The following MTHFD1 variants were observed in gnomAD, a reference collection of about 807,000 sequenced individuals.
MTHFD1 encodes the protein C-1-tetrahydrofolate synthase, cytoplasmic.
MTHFD1 carries 44 observed loss-of-function variants against 110.3 expected under a neutral mutation model. The ratio of observed to expected loss-of-function variants is 0.40; its 90% CI spans 0.31 to 0.51. The LOEUF (loss-of-function observed/expected upper bound fraction) is 0.51. Ranked by LOEUF, MTHFD1 falls within the 20% of genes least tolerant of loss-of-function variation. The pLI, the probability that MTHFD1 is intolerant of heterozygous loss-of-function variation, is 0.60. For missense variants in MTHFD1, 909 were observed against 1,173.1 expected (o/e 0.77, Z 3.29); for synonymous variants, 402 against 428.8 (o/e 0.94, Z 0.77).
At chr14:64,401,469 G>A (rs545526747) in intron 2 of MTHFD1, among the ~76,000 whole-genome samples, 21 of 152,276 alleles carry the variant, frequency 1.4e-4, no homozygotes, top group Middle Eastern at 6.8e-3. Context: ...TTGGGAGGCC[G>A]AGGTGGGCAG....
chr14:64,422,557 C>CTAA, intron 8 of MTHFD1, among the ~76,000 whole-genome samples: 1 of 152,024 alleles, frequency 6.6e-6, no homozygotes, highest in East Asian at 1.9e-4. Flanking sequence ...TGAGAAGGGC[C>CTAA]AGATCAATAG....
chr14:64,388,820 A>C (rs1291231306), intron 1 of MTHFD1: 7 of 453,932 alleles, frequency 1.5e-5, no homozygotes, highest in Non-Finnish European at 2.0e-5. Context: ...ATTCCCGTTA[A>C]TTTGGAGGTG....
chr14:64,450,714 G>GT (rs966630758), intron 24 of MTHFD1, among the ~76,000 whole-genome samples: 12 of 151,910 alleles, frequency 7.9e-5, no homozygotes, highest in African/African-American at 2.4e-4. Context: ...TTTTTGTTTT[G>GT]TTTTTTGTTT....
intron 22 of MTHFD1, chr14:64,445,177 C>T: frequency 3.9e-6 from 1 of 257,908 alleles, no homozygotes; most frequent in South Asian, 4.7e-5. Context: ...AAACCCTGTC[C>T]TAGACTAATA....
intron 12 of MTHFD1, among the ~76,000 whole-genome samples, chr14:64,429,536 C>T (rs2078143030): frequency 6.6e-6 from 1 of 152,034 alleles, no homozygotes; most frequent in Non-Finnish European, 1.5e-5. Flanking sequence ...ATCTGAAAGG[C>T]TCCAAAATTC....
intron 9 of MTHFD1, 116 bp downstream of exon 9, chr14:64,425,047 T>C: frequency 7.7e-7 from 1 of 1,299,172 alleles, no homozygotes; most frequent in Admixed American, 2.0e-5. Context: ...GTGAATTTAT[T>C]GAGAAAAAGG....
chr14:64,390,953 A>T (rs1455973139), intron 1 of MTHFD1, among the ~76,000 whole-genome samples: 1 of 151,866 alleles, frequency 6.6e-6, no homozygotes, highest in African/African-American at 2.4e-5. Context: ...CGGTCCTAGA[A>T]TTTCTTAAAA....
chr14:64,431,839 A>T lies in MTHFD1; in HGVS notation c.1472A>T (p.Asp491Val). 1 of 1,614,190 alleles carries T rather than the reference A, an allele frequency of 6.2e-7. No individual in the cohort carries two copies. Among genetic ancestry groups the T allele is most frequent in the Non-Finnish European group, 8.5e-7 (1 of 1,180,014 alleles). The change falls in exon 15 of 28, where the codon GAC becomes GTC. Residue 491 changes from aspartate to valine, a missense_variant. By Grantham distance (152) the Asp-to-Val change is radical. This residue lies in a region of MTHFD1 where 482 missense variants were observed against 646.0 expected (regional missense o/e 0.75). Coordinates refer to ENST00000652337, the MANE Select transcript of MTHFD1 (RefSeq NM_005956.4). The stretch of plus-strand genomic sequence containing the variant: ...GTAAATGGAGTGAGAAGGTTCTCTG[A>T]CATCCAAATCCGAAGGTTAAAGGTA... ...PSVNGVRRFS[D>V]IQIRRLKRLG...
At chr14:64,395,252 T>C (rs575577461) in intron 1 of MTHFD1, among the ~76,000 whole-genome samples, 140 of 152,400 alleles carry the variant, frequency 9.2e-4, no homozygotes, top group Middle Eastern at 6.8e-3. Context: ...TCAACACATT[T>C]ATTACTTTAC....
intron 24 of MTHFD1, among the ~76,000 whole-genome samples, chr14:64,450,879 T>G (rs2078360133): frequency 6.6e-6 from 1 of 151,980 alleles, no homozygotes. Flanking sequence ...GGCTAATTTG[T>G]TTTATTGGCC....
At position 64,431,467 on chromosome 14, in the gene MTHFD1, A is replaced by G. The variant is rs150335700; in HGVS notation, c.1312-65A>G. The G allele has an allele frequency of 6.5e-4, 905 of 1,386,780 alleles. 16 individuals carry two copies. The East Asian group carries it at 0.02, about 31-fold the overall frequency. The allele number at this position is 1,386,780 out of a possible 1,614,324, so 85.9% of individuals were successfully genotyped here. A position where few individuals can be genotyped will look rare whatever the true frequency, so the allele number is the denominator to read the frequency against. On this transcript the variant is annotated intron_variant, in intron 13 of 27. Coordinates refer to ENST00000652337, the MANE Select transcript of MTHFD1 (RefSeq NM_005956.4). ...TTTAAAATAGGGATTGAGCTTTGCA[A>G]TAGAATGAAAGTTGGAAAGATACAG...
intron 26 of MTHFD1, 30 bp from the exon 27 acceptor site, chr14:64,458,184 G>T (rs373096230): frequency 6.6e-7 from 1 of 1,510,886 alleles, no homozygotes; most frequent in African/African-American, 1.4e-5. Context: ...CCCAGCATTA[G>T]TTTATTTGTA....
In MTHFD1 at chr14:64,453,746, T is replaced by C; in HGVS notation, c.2458-8T>C. 1 of 1,557,324 alleles carries C rather than the reference T, an allele frequency of 6.4e-7. No individual in the cohort carries two copies. The highest frequency in any genetic ancestry group is 8.9e-7 in the Non-Finnish European group (1 of 1,129,146). On this transcript the variant is annotated splice_region_variant and splice_polypyrimidine_tract_variant and intron_variant, in intron 24 of 27. Transcript: ENST00000652337. Reference sequence around the variant, plus strand: ...TCATGGTGTCCCCATCTCTTTCTTGTGCATTAGCTCCCAGTTGAGGATAAA... The same window carrying C: ...TCATGGTGTCCCCATCTCTTTCTTGCGCATTAGCTCCCAGTTGAGGATAAA...
chr14:64,430,202 G>C lies in MTHFD1; in HGVS notation c.1283G>C (p.Gly428Ala). 1 of 1,613,628 alleles carries C rather than the reference G, an allele frequency of 6.2e-7. No homozygotes were observed. The highest frequency in any genetic ancestry group is 1.1e-5 in the South Asian group (1 of 91,060). Residue 428 changes from glycine (G) to alanine (A), a missense_variant, in exon 13 of 28, where the codon GGC (glycine) becomes GCC (alanine). Gly to Ala is a moderately conservative substitution (Grantham distance 60). This residue lies in a region of MTHFD1 where 482 missense variants were observed against 646.0 expected (regional missense o/e 0.75). Coordinates refer to ENST00000652337, the MANE Select transcript of MTHFD1 (RefSeq NM_005956.4). ...CCCCTAGGTGGCGCTGCAGGAGGCG[G>C]CTACTCCCAGGTCATTCCTATGGAA... ...FGIKGGAAGG[G>A]YSQVIPMEEF...
intron 2 of MTHFD1, among the ~76,000 whole-genome samples, chr14:64,409,310 C>T: frequency 6.6e-6 from 1 of 152,178 alleles, no homozygotes; most frequent in East Asian, 1.9e-4. Context: ...ACATGTCCAC[C>T]TACCTTTCCT....
intron 3 of MTHFD1, among the ~76,000 whole-genome samples, chr14:64,412,204 T>G (rs1284458007): frequency 2.0e-5 from 3 of 152,184 alleles, no homozygotes; most frequent in African/African-American, 4.8e-5. Context: ...AGTTCCCAGC[T>G]TGGCTTTTCC....
intron 1 of MTHFD1, among the ~76,000 whole-genome samples, chr14:64,395,524 C>A (rs1388455431): frequency 1.3e-5 from 2 of 152,142 alleles, no homozygotes; most frequent in Non-Finnish European, 2.9e-5. Context: ...CTCTTTGAGA[C>A]CTTTTTCTGA....
At position 64,430,549 on chromosome 14, in the gene MTHFD1, G is replaced by A. The variant is rs539295728; in HGVS notation, c.1311+319G>A. On this transcript the variant is annotated intron_variant, in intron 13 of 27. Coordinates refer to ENST00000652337, the MANE Select transcript of MTHFD1 (RefSeq NM_005956.4). Reference sequence around the variant, plus strand: ...CTGACCTCGTGATCCGCCCACCTCGGCCTCCCAAAGTGCTGGTATTATAGG... The same window carrying A: ...CTGACCTCGTGATCCGCCCACCTCGACCTCCCAAAGTGCTGGTATTATAGG... Among the ~76,000 whole-genome samples, 6 of 152,248 alleles carry A rather than the reference G, an allele frequency of 3.9e-5. No homozygotes were observed. In the South Asian group the frequency reaches 1.0e-3, roughly 26 times the overall value.
At chr14:64,445,048 G>C in intron 22 of MTHFD1, 3 of 395,742 alleles carry the variant, frequency 7.6e-6, no homozygotes, top group Non-Finnish European at 9.6e-6. Flanking sequence ...ACAACTGGAG[G>C]TGGGGAGTGC....
Sources: allele counts gnomAD v4.1 joint callset (sites outside exome capture counted in the v4.1 genomes callset), GRCh38; gene constraint gnomAD v4.1.1; regional missense constraint gnomAD v4.1.1; transcripts MANE v1.5; gene names NCBI Gene and HGNC (gene_info 2026-07-23, HGNC 2026-07-21).